SYT14: variants seen among roughly 807,000 people sequenced by gnomAD.
The protein encoded by SYT14 is synaptotagmin-14.
Under a neutral mutation model 74.2 loss-of-function variants are expected in SYT14, and 32 were observed. The observed-to-expected ratio is 0.43, with a 90% CI of 0.33 to 0.58. The LOEUF (loss-of-function observed/expected upper bound fraction) is 0.58. SYT14 is among the 20% of genes least tolerant of loss of function. SYT14 has a pLI of 0.05. For synonymous variants in SYT14, 298 were observed against 337.7 expected (o/e 0.88, Z 1.29); for missense variants, 791 against 981.8 (o/e 0.81, Z 2.60).
chr1:210,158,435 G>A (rs2083310180), intron 8 of SYT14, among the ~76,000 whole-genome samples: 1 of 152,170 alleles, frequency 6.6e-6, no homozygotes, highest in African/African-American at 2.4e-5. Flanking sequence ...TGCCACTCAT[G>A]CTTTAGCTAA....
intron 2 of SYT14, among the ~76,000 whole-genome samples, chr1:209,997,413 A>G (rs1362756314): frequency 6.6e-6 from 1 of 152,140 alleles, no homozygotes; most frequent in African/African-American, 2.4e-5. Context: ...ACATCTAACC[A>G]AGGAGGTGAA....
At chr1:210,046,180 G>A (rs1223848817) in intron 5 of SYT14, among the ~76,000 whole-genome samples, 6 of 152,140 alleles carry the variant, frequency 3.9e-5, no homozygotes, top group Non-Finnish European at 8.8e-5. Flanking sequence ...AGACCAGTCT[G>A]GCCAACATTT....
intron 6 of SYT14, among the ~76,000 whole-genome samples, chr1:210,096,305 A>G (rs907868448): frequency 1.3e-5 from 2 of 152,206 alleles, no homozygotes; most frequent in African/African-American, 4.8e-5. Context: ...CCCTCCAAAC[A>G]TTACCAGGCA....
chr1:210,015,631 A>G, intron 3 of SYT14: 1 of 157,850 alleles, frequency 6.3e-6, no homozygotes, highest in East Asian at 1.9e-4. Context: ...TAGACTGTTA[A>G]TAAGCAAACT....
chr1:209,943,607 G>A (rs1408728939), intron 1 of SYT14, among the ~76,000 whole-genome samples: 1 of 149,076 alleles, frequency 6.7e-6, no homozygotes, highest in Admixed American at 6.7e-5. Context: ...TATACAATTT[G>A]TTATTTGTTG....
rs190984362 is a variant in SYT14 at position 210,054,731 on chromosome 1, C to T, written c.1312+33477C>T. 3.4e-4 allele frequency among the ~76,000 whole-genome samples: 51 copies of T among 152,214 alleles called. No homozygotes were observed. In the East Asian group the frequency reaches 8.5e-3, roughly 25 times the overall value. On this transcript the variant is annotated intron_variant, in intron 5 of 9. Transcript: ENST00000637265. ...TTGTCTCTTAGGCCCCTTAATTTTTCGGAATAATCCTCCATTATCCTCATT... is the reference window on the plus strand; with the variant it reads ...TTGTCTCTTAGGCCCCTTAATTTTTTGGAATAATCCTCCATTATCCTCATT...
chr1:210,028,936 T>G (rs1255015276), intron 5 of SYT14, among the ~76,000 whole-genome samples: 1 of 152,178 alleles, frequency 6.6e-6, no homozygotes, highest in Non-Finnish European at 1.5e-5. Flanking sequence ...CAACACTTAT[T>G]ATTGTCTGTT....
intron 2 of SYT14, among the ~76,000 whole-genome samples, chr1:209,968,579 A>G (rs1373375376): frequency 6.6e-6 from 1 of 151,756 alleles, no homozygotes; most frequent in African/African-American, 2.4e-5. Flanking sequence ...CAGCCACTGA[A>G]TTTTGTACTG....
At chr1:210,000,466 G>GCGCACACACACACACACACA (rs1553264180) in intron 2 of SYT14, among the ~76,000 whole-genome samples, 6 of 143,102 alleles carry the variant, frequency 4.2e-5, no homozygotes, top group African/African-American at 1.3e-4. Flanking sequence ...GTCCTCATAC[G>GCGCACACACACACACACACA]CACACACACA....
At chr1:210,088,688 A>T (rs1270722396) in intron 5 of SYT14, among the ~76,000 whole-genome samples, 1 of 151,978 alleles carries the variant, frequency 6.6e-6, no homozygotes, top group African/African-American at 2.4e-5. Context: ...CTTTGCATGG[A>T]CATGGATGAA....
chr1:210,039,759 GC>G lies in SYT14; in HGVS notation c.1312+18507del, dbSNP rs929379564. On this transcript the variant is annotated intron_variant, in intron 5 of 9. Coordinates refer to ENST00000637265, the Ensembl canonical transcript of SYT14. ...CTTCTCAAAAGAAGACATTTATGTG[GC>G]CAAAGAACATATGCAAAAAAGCTCA... Among the ~76,000 whole-genome samples, 5 of 152,118 alleles carry G rather than the reference GC, an allele frequency of 3.3e-5. 1 individual carries two copies. The highest frequency in any genetic ancestry group is 2.0e-4 in the Admixed American group (3 of 15,258).
rs138576924 is a variant in SYT14, at chr1:209,975,504, C to T, written c.-486+22748C>T. Among the ~76,000 whole-genome samples, 376 of 152,192 alleles carry T rather than the reference C, an allele frequency of 2.5e-3. 1 individual carries two copies. Among genetic ancestry groups the T allele is most frequent in the African/African-American group, 5.5e-3 (228 of 41,508 alleles). The stretch of plus-strand genomic sequence containing the variant: ...CATTGGTTCTGTATATGCTGGATTA[C>T]GTTTATTGATTTGTGTATGTTGAAC... On this transcript the variant is annotated intron_variant, in intron 2 of 9. Transcript: ENST00000637265.
exon 7 of SYT14, chr1:210,100,252 G>A (rs2082039294): frequency 3.1e-6 from 5 of 1,614,080 alleles, no homozygotes; most frequent in Non-Finnish European, 4.2e-6. Context: ...CATCCAGAGA[G>A]GACCATGCCC....
chr1:209,983,743 C>T (rs926395057), intron 2 of SYT14, among the ~76,000 whole-genome samples: 1 of 152,100 alleles, frequency 6.6e-6, no homozygotes, highest in African/African-American at 2.4e-5. Context: ...ATTCTTTTAT[C>T]TTGAGAATGG....
intron 2 of SYT14, among the ~76,000 whole-genome samples, chr1:210,011,501 C>T (rs925280401): frequency 1.3e-5 from 2 of 152,192 alleles, no homozygotes; most frequent in African/African-American, 4.8e-5. Flanking sequence ...CCGCCTCCTC[C>T]TCTCACTCCC....
intron 7 of SYT14, among the ~76,000 whole-genome samples, chr1:210,139,953 T>C (rs2082881094): frequency 6.6e-6 from 1 of 152,214 alleles, no homozygotes; most frequent in Non-Finnish European, 1.5e-5. Context: ...CAAGTTGTTG[T>C]GTAGACATAT....
intron 2 of SYT14, among the ~76,000 whole-genome samples, chr1:209,968,563 C>T (rs2079193216): frequency 6.6e-6 from 1 of 152,000 alleles, no homozygotes; most frequent in African/African-American, 2.4e-5. Flanking sequence ...TCCACCCAAC[C>T]CTTGGCAGCC....
intron 8 of SYT14, among the ~76,000 whole-genome samples, chr1:210,156,475 T>A (rs2083269242): frequency 6.6e-6 from 1 of 152,128 alleles, no homozygotes; most frequent in Non-Finnish European, 1.5e-5. Flanking sequence ...AACAGTTTGC[T>A]GTTTACCCTG....
At chr1:210,073,341 T>C (rs560669602) in intron 5 of SYT14, among the ~76,000 whole-genome samples, 1 of 152,186 alleles carries the variant, frequency 6.6e-6, no homozygotes, top group East Asian at 1.9e-4. Flanking sequence ...CTATAATTGC[T>C]GTATTACATC....
Sources: allele counts gnomAD v4.1 joint callset (sites outside exome capture counted in the v4.1 genomes callset), GRCh38; gene constraint gnomAD v4.1.1; transcripts MANE v1.5; gene names NCBI Gene and HGNC (gene_info 2026-07-23, HGNC 2026-07-21).